DDX3X: variants seen among roughly 807,000 people sequenced by gnomAD.
DDX3X encodes the protein DEAD-box helicase 3 X-linked, also known as ATP-dependent RNA helicase DDX3X.
DDX3X carries 4 observed loss-of-function variants against 52.7 expected under a neutral mutation model. That is an observed-to-expected ratio of 0.08 (90% CI 0.04 to 0.17). The LOEUF (loss-of-function observed/expected upper bound fraction) is 0.17. DDX3X is among the 10% of genes least tolerant of loss of function. DDX3X has a pLI of 1.00. For synonymous variants in DDX3X, 192 were observed against 178.1 expected (o/e 1.08, Z -0.62); for missense variants, 222 against 548.6 (o/e 0.40, Z 5.95).
At position 41,349,891 on chromosome X, in the gene DDX3X, T is replaced by C. The variant is rs1260954973; in HGVS notation, c.*2172T>C. On this transcript the variant is annotated 3_prime_UTR_variant, in exon 17 of 17. Transcript: ENST00000644876. ...AGATGTTTGTTGTGTGGATTTTGTT[T>C]AGTTGTGTGTTTTTTTTTTTTTTTC... is the stretch of plus-strand genomic sequence containing the variant. The C allele has an allele frequency of 9.5e-6, 1 of 105,524 alleles. No homozygotes were observed. Among genetic ancestry groups the C allele is most frequent in the East Asian group, 3.2e-4 (1 of 3,163 alleles). The allele number at this position is 105,524 out of a possible 1,213,427, so 8.7% of individuals were successfully genotyped here.
At chrX:41,340,729 C>G (rs1015611518) in intron 3 of DDX3X, 1 of 293,614 alleles carries the variant, frequency 3.4e-6, no homozygotes, top group South Asian at 2.0e-4. Flanking sequence ...ACTATTGAAA[C>G]TGAAAAATAC....
intron 12 of DDX3X, 101 bp downstream of exon 12, chrX:41,345,649 C>T: frequency 2.7e-6 from 2 of 747,817 alleles, no homozygotes; most frequent in Admixed American, 3.3e-5. Flanking sequence ...CATTACTGAT[C>T]AGCATGGGAG....
In DDX3X at chrX:41,334,270, G is replaced by A. The variant is rs1403252758; in HGVS notation, c.18G>A (p.Val6=). The A allele has an allele frequency of 8.3e-7, 1 of 1,210,341 alleles. No homozygotes were observed. Among genetic ancestry groups the A allele is most frequent in the Non-Finnish European group, 1.1e-6 (1 of 895,033 alleles). MSHVA[V]ENALGLDQQF... ...CTTCAGGGATGAGTCATGTGGCAGTGGAAAATGCGCTCGGGCTGGACCAGC... is the reference window on the plus strand; with the variant it reads ...CTTCAGGGATGAGTCATGTGGCAGTAGAAAATGCGCTCGGGCTGGACCAGC... The change falls in exon 1 of 17, where the codon GTG becomes GTA. Residue 6 remains valine, a synonymous_variant. Transcript: ENST00000644876.
intron 2 of DDX3X, chrX:41,337,898 TC>T (rs1256537652): frequency 8.6e-6 from 1 of 116,329 alleles, no homozygotes; most frequent in African/African-American, 3.3e-5. Flanking sequence ...CCATTATAAA[TC>T]CTGAGCCCAG....
intron 1 of DDX3X, chrX:41,335,884 T>G (rs1407635090): frequency 4.5e-5 from 5 of 112,100 alleles, no homozygotes; most frequent in Non-Finnish European, 7.5e-5. Flanking sequence ...TTTTAAGGAT[T>G]CTAGGCAACA....
At chrX:41,354,093 A>T (rs2063999512), downstream of DDX3X, among the ~76,000 whole-genome samples, 1 of 111,258 alleles carries the variant, frequency 9.0e-6, no homozygotes, top group Non-Finnish European at 1.9e-5. Context: ...GATTCACAGG[A>T]AGTTGCAAAA....
rs755750366 is a variant in DDX3X, at chrX:41,343,268, G to A, written c.596G>A (p.Arg199His). 1 of 1,206,639 alleles carries A rather than the reference G, an allele frequency of 8.3e-7. No individual in the cohort carries two copies. The highest frequency in any genetic ancestry group is 1.8e-5 in the South Asian group (1 of 55,842). The change falls in exon 7 of 17, where the codon CGT becomes CAT. Residue 199 changes from arginine to histidine, a missense_variant. Around this residue, in one of 5 missense-constraint regions of DDX3X, gnomAD observed 73 missense variants for 301.4 expected, o/e 0.24. Transcript: ENST00000644876. ...ATCATGGGAAACATTGAGCTTACTCGTTATACTCGCCCAACTCCAGTGCAA... is the reference window on the plus strand; with the variant it reads ...ATCATGGGAAACATTGAGCTTACTCATTATACTCGCCCAACTCCAGTGCAA... ...EIIMGNIELT[R>H]YTRPTPVQKH...
chrX:41,344,412 T>G lies in DDX3X; in HGVS notation c.1025+13T>G, dbSNP rs1183752509. 2 of 1,207,699 alleles carry G rather than the reference T, an allele frequency of 1.7e-6. No homozygotes were observed. Among genetic ancestry groups the G allele is most frequent in the African/African-American group, 3.5e-5 (2 of 57,618 alleles). On this transcript the variant is annotated intron_variant, in intron 10 of 16. Transcript: ENST00000644876. ...TAGACTTTTGCAAGTATGTTTTATT[T>G]TGTTTTTGTTTTTTTGTTTTGTTTT...
At chrX:41,334,747 G>A (rs1256065313) in intron 1 of DDX3X, 3 of 972,154 alleles carry the variant, frequency 3.1e-6, no homozygotes, top group African/African-American at 4.0e-5. Context: ...GGCACCCGGT[G>A]TTTGCGTGCC....
At chrX:41,352,231 T>C (rs1243517026), downstream of DDX3X, among the ~76,000 whole-genome samples, 5 of 111,810 alleles carry the variant, frequency 4.5e-5, no homozygotes, top group African/African-American at 9.7e-5. Context: ...CTGTGACATA[T>C]CTATATTCTA....
chrX:41,353,184 T>C (rs1022264086), downstream of DDX3X, among the ~76,000 whole-genome samples: 4 of 109,016 alleles, frequency 3.7e-5, no homozygotes, highest in African/African-American at 1.3e-4. Flanking sequence ...CTGGGCGCAG[T>C]GGCTCACGCC....
Position 41,334,276 on chromosome X carries a change from T to C in DDX3X, c.24T>C (p.Asn8=). 8.3e-7 allele frequency: 1 copy of C among 1,210,991 alleles called. No homozygotes were observed. The highest frequency in any genetic ancestry group is 1.1e-6 in the Non-Finnish European group (1 of 895,111). Residue 8 remains asparagine, a synonymous_variant, in exon 1 of 17, where the codon AAT becomes AAC. Transcript: ENST00000644876. ...GGATGAGTCATGTGGCAGTGGAAAA[T>C]GCGCTCGGGCTGGACCAGCAGGTGA... MSHVAVE[N]ALGLDQQFAG... is the part of the protein sequence containing the mutation.
chrX:41,354,361 T>TTTTTTTTTTTTTTTA (rs2064000579), downstream of DDX3X, among the ~76,000 whole-genome samples: 2 of 103,326 alleles, frequency 1.9e-5, no homozygotes, highest in East Asian at 3.1e-4. Flanking sequence ...TTTTTTTTTT[T>TTTTTTTTTTTTTTTA]GAGACAGGGT....
At chrX:41,333,794 A>C, upstream of DDX3X, 1 of 124,497 alleles carries the variant, frequency 8.0e-6, no homozygotes, top group Non-Finnish European at 1.7e-5. Context: ...GTAAGGTTGG[A>C]AAGGGGGGCG....
rs2063965505 is a variant in DDX3X, at chrX:41,349,640, G to A, written c.*1921G>A. 1 of 112,254 alleles carries A rather than the reference G, an allele frequency of 8.9e-6. No individual in the cohort carries two copies. The highest frequency in any genetic ancestry group is 3.6e-4 in the South Asian group (1 of 2,770). 9.3% of individuals were successfully genotyped at this position (112,254 alleles called of 1,213,427 possible). A position where few individuals can be genotyped will look rare whatever the true frequency, so the allele number is the denominator to read the frequency against. ...TTGAATGTTGAATGTCACCGTATGC[G>A]TGAAATTATATATTTCGGGGTAGTG... On this transcript the variant is annotated 3_prime_UTR_variant, in exon 17 of 17. Coordinates refer to ENST00000644876, the MANE Select transcript of DDX3X (RefSeq NM_001356.5).
rs778473389 is a variant in DDX3X at position 41,343,836 on chromosome X, T to G, written c.765+14T>G. The G allele has an allele frequency of 8.4e-7, 1 of 1,184,592 alleles. No homozygotes were observed. Among genetic ancestry groups the G allele is most frequent in the African/African-American group, 1.8e-5 (1 of 56,514 alleles). ...AGGGCCATGAAGGTAGATGTTTCTT[T>G]ATAAAATGGGAAATTGTAGAACTTT... is the stretch of plus-strand genomic sequence containing the variant. On this transcript the variant is annotated intron_variant, in intron 8 of 16. Transcript: ENST00000644876.
At chrX:41,355,726 A>G (rs1173166661) in intron 5 of DDX3X, among the ~76,000 whole-genome samples, 2 of 99,467 alleles carry the variant, frequency 2.0e-5, no homozygotes, top group Non-Finnish European at 4.0e-5. Context: ...TGATCCTCCC[A>G]TCTAGCCCAG....
At chrX:41,337,755 C>T (rs1749478313) in intron 2 of DDX3X, 1 of 196,804 alleles carries the variant, frequency 5.1e-6, no homozygotes, top group Non-Finnish European at 9.2e-6. Flanking sequence ...AGCGATTCTC[C>T]TGCCTCAGCC....
intron 7 of DDX3X, 108 bp downstream of exon 7, chrX:41,343,459 G>A (rs1631136): frequency 2.8e-6 from 2 of 726,043 alleles, no homozygotes; most frequent in Non-Finnish European, 3.9e-6. Context: ...GCTCTGCGCT[G>A]CTATTGGACT....
Sources: gnomAD v4.1 joint callset for allele counts (sites outside exome capture counted in the v4.1 genomes callset) on GRCh38, gnomAD v4.1.1 for gene constraint, gnomAD v4.1.1 regional missense constraint, MANE v1.5 for transcripts, NCBI Gene and HGNC (gene_info 2026-07-23, HGNC 2026-07-21) for gene names.